The following PLA2G5 variants were observed in gnomAD, a reference collection of about 807,000 sequenced individuals.
The protein encoded by PLA2G5 is phospholipase A2 group V.
Under a neutral mutation model 15.9 loss-of-function variants are expected in PLA2G5, and 12 were observed. That is an observed-to-expected ratio of 0.76 (90% CI 0.48 to 1.23). The LOEUF (loss-of-function observed/expected upper bound fraction) is 1.23. PLA2G5 is among the 50% of genes most tolerant of loss of function. PLA2G5 has a pLI of 0.00. For synonymous variants in PLA2G5, 71 were observed against 71.4 expected, an observed-to-expected ratio of 0.99 and a Z score of 0.03; for missense variants, 169 against 177.1, an observed-to-expected ratio of 0.95 and a Z score of 0.26.
chr1:20,047,433 T>C lies in PLA2G5; in HGVS notation n.277-12199T>C, dbSNP rs576424928. Among the ~76,000 whole-genome samples, 266 of 152,298 alleles carry C rather than the reference T, an allele frequency of 1.7e-3. 1 individual carries two copies. The highest frequency in any genetic ancestry group is 2.0e-3 in the Non-Finnish European group (134 of 68,022). On this transcript the variant is annotated intron_variant and non_coding_transcript_variant, in intron 1 of 6. Transcript: ENST00000460175. Reference sequence around the variant, plus strand: ...GAATGACTCCTCTGTGAGCACTCTGTAGGTTTTATGGCATCTCTACTTGCC... The same window carrying C: ...GAATGACTCCTCTGTGAGCACTCTGCAGGTTTTATGGCATCTCTACTTGCC...
upstream of PLA2G5, among the ~76,000 whole-genome samples, chr1:20,065,474 C>T (rs566819502): frequency 6.6e-6 from 1 of 152,294 alleles, no homozygotes; most frequent in East Asian, 1.9e-4. Context: ...CTACTGTCTC[C>T]ATAGTTTTAA....
intron 3 of PLA2G5, among the ~76,000 whole-genome samples, chr1:20,089,300 A>C (rs908220396): frequency 1.3e-5 from 2 of 152,234 alleles, no homozygotes; most frequent in Non-Finnish European, 2.9e-5. Flanking sequence ...CTGTGATACG[A>C]GAAGTTTATT....
chr1:20,044,374 G>GGC (rs766113892), intron 1 of PLA2G5, among the ~76,000 whole-genome samples: 3 of 151,974 alleles, frequency 2.0e-5, no homozygotes, highest in East Asian at 3.9e-4. Flanking sequence ...TGTTGTGGGG[G>GGC]GGGTTTGAGG....
intron 1 of PLA2G5, among the ~76,000 whole-genome samples, chr1:20,047,154 T>C (rs1230747416): frequency 6.6e-6 from 1 of 152,122 alleles, no homozygotes; most frequent in Non-Finnish European, 1.5e-5. Flanking sequence ...ATGAGGCTCA[T>C]CCAGGAAACT....
In PLA2G5 at chr1:20,030,940, A is replaced by C. The variant is rs140842615; in HGVS notation, n.276+2231A>C. 5.0e-3 allele frequency among the ~76,000 whole-genome samples: 754 copies of C among 152,310 alleles called. 7 individuals are homozygous for C. The highest frequency in any genetic ancestry group is 0.017 in the African/African-American group (719 of 41,578). ...AGGCAGAATAATTTTTCTTAGTAGAAAACAAAATGGAGTTTCTTATGTCTT... is the reference window on the plus strand; with the variant it reads ...AGGCAGAATAATTTTTCTTAGTAGACAACAAAATGGAGTTTCTTATGTCTT... On this transcript the variant is annotated intron_variant and non_coding_transcript_variant, in intron 1 of 6. Transcript: ENST00000460175.
At chr1:20,072,138 A>G (rs1464833156) in intron 1 of PLA2G5, among the ~76,000 whole-genome samples, 1 of 152,006 alleles carries the variant, frequency 6.6e-6, no homozygotes, top group Non-Finnish European at 1.5e-5. Context: ...CACTCCCACC[A>G]TCAACAGTCC....
rs552672313 is a variant in PLA2G5 at position 20,086,642 on chromosome 1, G to A, written c.185+415G>A. Among the ~76,000 whole-genome samples, 3 of 152,278 alleles carry A rather than the reference G, an allele frequency of 2.0e-5. No individual in the cohort carries two copies. In the South Asian group the frequency reaches 6.2e-4, roughly 32 times the overall value. The stretch of plus-strand genomic sequence containing the variant: ...AGAGGCCTCAATTCCTGTCACTTAG[G>A]CCTCTCCAAGGATGTTCGGGATTCC... On this transcript the variant is annotated intron_variant, in intron 3 of 4. Transcript: ENST00000375108.
rs968531046 is a variant in PLA2G5 at position 20,079,117 on chromosome 1, A to G, written c.-10-5704A>G. On this transcript the variant is annotated intron_variant, in intron 1 of 4. Transcript: ENST00000375108. Reference sequence around the variant, plus strand: ...GGACAGAGACAGACCCTGTCTCAAAAAAAAAAAAAAAAAAAAAATCCAAGT... The same window carrying G: ...GGACAGAGACAGACCCTGTCTCAAAGAAAAAAAAAAAAAAAAAATCCAAGT... Among the ~76,000 whole-genome samples the G allele has an allele frequency of 9.8e-3, 1,469 of 149,388 alleles. 24 individuals are homozygous for G. The highest frequency in any genetic ancestry group is 0.03 in the African/African-American group (1,207 of 40,644).
intron 1 of PLA2G5, among the ~76,000 whole-genome samples, chr1:20,075,379 G>C (rs534091506): frequency 6.6e-6 from 1 of 152,132 alleles, no homozygotes; most frequent in African/African-American, 2.4e-5. Flanking sequence ...CAGTCACTTG[G>C]GGGCATGTCC....
intron 1 of PLA2G5, among the ~76,000 whole-genome samples, chr1:20,058,518 T>C (rs1262896299): frequency 2.0e-5 from 3 of 152,210 alleles, no homozygotes; most frequent in Admixed American, 2.0e-4. Flanking sequence ...TATATGTCTT[T>C]ATATTTAAAG....
At chr1:20,074,669 G>A (rs922514147) in intron 1 of PLA2G5, among the ~76,000 whole-genome samples, 5 of 152,148 alleles carry the variant, frequency 3.3e-5, no homozygotes, top group Admixed American at 1.3e-4. Flanking sequence ...AGTGCCTTCC[G>A]GGGAGAGGAA....
chr1:20,028,548 C>A (rs1009421756), exon 1 of PLA2G5: 1 of 152,028 alleles, frequency 6.6e-6, no homozygotes, highest in Non-Finnish European at 1.5e-5. Context: ...GGCACTGTAA[C>A]CAGGGTTTGG....
rs111762734 is a variant in PLA2G5 at position 20,086,144 on chromosome 1, G to T, written c.102G>T (p.Gly34=). The change falls in exon 3 of 5, where the codon GGG becomes GGT. Residue 34 remains glycine, a synonymous_variant. Transcript: ENST00000375108. ...AATCAATGATCGAGAAGGTGACAGG[G>T]AAGAACGCCCTGACAAACTACGGCT... is the stretch of plus-strand genomic sequence containing the variant. ...DLKSMIEKVT[G]KNALTNYGFY... 19 of 1,614,028 alleles carry T rather than the reference G, an allele frequency of 1.2e-5. No individual in the cohort carries two copies. The highest frequency in any genetic ancestry group is 1.1e-4 in the African/African-American group (8 of 74,908).
chr1:20,057,049 A>G (rs1007610894), intron 1 of PLA2G5, among the ~76,000 whole-genome samples: 1 of 152,122 alleles, frequency 6.6e-6, no homozygotes, highest in African/African-American at 2.4e-5. Flanking sequence ...CCATGGAATC[A>G]GTGGTGATGG....
chr1:20,029,334 T>C lies in PLA2G5; in HGVS notation n.276+625T>C, dbSNP rs74877741. 4.7e-3 allele frequency among the ~76,000 whole-genome samples: 680 copies of C among 145,566 alleles called. 5 individuals are homozygous for C. The highest frequency in any genetic ancestry group is 7.4e-3 in the Non-Finnish European group (489 of 66,388). On this transcript the variant is annotated intron_variant and non_coding_transcript_variant, in intron 1 of 6. Transcript: ENST00000460175. ...TCCTCTCAACGTCCAGCCACCCGTGTGTTCCTCCCCTGATACGTTCCTCCG... is the reference window on the plus strand; with the variant it reads ...TCCTCTCAACGTCCAGCCACCCGTGCGTTCCTCCCCTGATACGTTCCTCCG...
At chr1:20,071,110 G>A (rs980298931) in intron 1 of PLA2G5, among the ~76,000 whole-genome samples, 2 of 152,134 alleles carry the variant, frequency 1.3e-5, no homozygotes, top group African/African-American at 4.8e-5. Context: ...GACCAGCTGG[G>A]CACAGGTGTG....
At chr1:20,034,916 G>A (rs951246045) in intron 1 of PLA2G5, among the ~76,000 whole-genome samples, 2 of 152,082 alleles carry the variant, frequency 1.3e-5, no homozygotes, top group African/African-American at 4.8e-5. Flanking sequence ...GAGGAAAAAG[G>A]AGAGTCACCC....
intron 1 of PLA2G5, among the ~76,000 whole-genome samples, chr1:20,040,601 CACACAA>C (rs1299711971): frequency 7.0e-6 from 1 of 143,282 alleles, no homozygotes; most frequent in East Asian, 2.1e-4. Context: ...CACACACACA[CACACAA>C]ACACTCACAC....
chr1:20,057,911 A>C (rs895950025), intron 1 of PLA2G5, among the ~76,000 whole-genome samples: 2 of 152,172 alleles, frequency 1.3e-5, no homozygotes, highest in Non-Finnish European at 2.9e-5. Flanking sequence ...TGTGTTGTTT[A>C]ATCTCCAATT....
Sources: gnomAD v4.1 joint callset for allele counts (sites outside exome capture counted in the v4.1 genomes callset) on GRCh38, gnomAD v4.1.1 for gene constraint, MANE v1.5 for transcripts, NCBI Gene and HGNC (gene_info 2026-07-23, HGNC 2026-07-21) for gene names.